MICU3: variants seen among roughly 807,000 people sequenced by gnomAD.
MICU3 encodes the protein mitochondrial calcium uptake 3, also known as calcium uptake protein 3, mitochondrial.
Under a neutral mutation model 66.5 loss-of-function variants are expected in MICU3, and 62 were observed. The observed-to-expected ratio is 0.93, with a 90% confidence interval of 0.76 to 1.15. The LOEUF is 1.15. Among genes scored for constraint, MICU3 ranks in the 50% most tolerant of loss-of-function variants. The pLI, the probability that MICU3 is intolerant of heterozygous loss-of-function variation, is 0.00. For missense variants in MICU3, 779 were observed against 664.4 expected, an observed-to-expected ratio of 1.17 and a Z score of -1.90; for synonymous variants, 308 against 240.7, an observed-to-expected ratio of 1.28 and a Z score of -2.59.
At chr8:17,109,962 G>A (rs765682285) in intron 11 of MICU3, among the ~76,000 whole-genome samples, 3 of 152,106 alleles carry the variant, frequency 2.0e-5, no homozygotes, top group South Asian at 4.1e-4. Context: ...AAATTTTGGA[G>A]TTTGGATTTA....
intron 1 of MICU3, among the ~76,000 whole-genome samples, chr8:17,038,812 G>C (rs1220614431): frequency 6.6e-6 from 1 of 152,064 alleles, no homozygotes; most frequent in Non-Finnish European, 1.5e-5. Flanking sequence ...AATTAGCCAG[G>C]CGTGGTGGCA....
intron 1 of MICU3, among the ~76,000 whole-genome samples, chr8:17,042,681 C>G (rs1814354699): frequency 6.6e-6 from 1 of 152,078 alleles, no homozygotes; most frequent in Non-Finnish European, 1.5e-5. Flanking sequence ...AAAGTAGAAT[C>G]TATGTTTTCT....
chr8:17,030,789 G>A (rs1021538174), intron 1 of MICU3, among the ~76,000 whole-genome samples: 4 of 152,252 alleles, frequency 2.6e-5, no homozygotes, highest in Non-Finnish European at 1.5e-5. Context: ...GGCCTTGTCC[G>A]TTTTGGGATT....
Position 17,056,322 on chromosome 8 carries a change from A to T in MICU3, c.382-7762A>T, listed in dbSNP as rs116734319. ...TCTCCTCTATTCCTGGCTGAGGTTC[A>T]TAGTCTGGGTCTTGAAGTTGGTTAA... On this transcript the variant is annotated intron_variant, in intron 1 of 14. Coordinates refer to ENST00000318063, the MANE Select transcript of MICU3 (RefSeq NM_181723.3). 8.9e-3 allele frequency among the ~76,000 whole-genome samples: 1,354 copies of T among 152,206 alleles called. 15 individuals carry two copies. Among genetic ancestry groups the T allele is most frequent in the African/African-American group, 0.03 (1,233 of 41,516 alleles).
intron 7 of MICU3, among the ~76,000 whole-genome samples, chr8:17,087,845 T>G (rs1159121538): frequency 6.6e-6 from 1 of 152,034 alleles, no homozygotes; most frequent in Non-Finnish European, 1.5e-5. Context: ...TGTGACATAT[T>G]TCTTTGTCTG....
chr8:17,076,448 T>A (rs1266184064), intron 3 of MICU3, among the ~76,000 whole-genome samples: 1 of 152,184 alleles, frequency 6.6e-6, no homozygotes, highest in African/African-American at 2.4e-5. Context: ...TTCTGTGCCA[T>A]TCCTATTCTA....
chr8:17,048,756 C>T (rs1815539437), intron 1 of MICU3, among the ~76,000 whole-genome samples: 1 of 152,062 alleles, frequency 6.6e-6, no homozygotes, highest in African/African-American at 2.4e-5. Flanking sequence ...GTTGGGACTA[C>T]CTCATACATC....
At chr8:17,042,335 G>A (rs1198617915) in intron 1 of MICU3, among the ~76,000 whole-genome samples, 4 of 152,148 alleles carry the variant, frequency 2.6e-5, no homozygotes, top group Non-Finnish European at 5.9e-5. Context: ...TGTGCCAAAC[G>A]CTGAGAATGT....
intron 12 of MICU3, among the ~76,000 whole-genome samples, chr8:17,114,822 C>G (rs140010413): frequency 3.4e-3 from 520 of 152,300 alleles, no homozygotes; most frequent in African/African-American, 0.012. Flanking sequence ...AATGCACAAG[C>G]TTAAACCCCA....
chr8:17,052,014 A>G (rs540710715), intron 1 of MICU3, among the ~76,000 whole-genome samples: 25 of 152,284 alleles, frequency 1.6e-4, no homozygotes, highest in South Asian at 6.2e-4. Flanking sequence ...TTGCTGAACC[A>G]AAGTCTGAAT....
Position 17,051,474 on chromosome 8 carries a change from A to G in MICU3, c.382-12610A>G, listed in dbSNP as rs544813278. Among the ~76,000 whole-genome samples, 56 of 152,340 alleles carry G rather than the reference A, an allele frequency of 3.7e-4. 1 individual carries two copies. Among genetic ancestry groups the G allele is most frequent in the South Asian group, 3.5e-3 (17 of 4,834 alleles). On this transcript the variant is annotated intron_variant, in intron 1 of 14. Transcript: ENST00000318063. The stretch of plus-strand genomic sequence containing the variant: ...CATATTTATAATATTTGAAGGCTAG[A>G]TGAGATCATCAAGTGGGTAATTGTA...
intron 11 of MICU3, 55 bp from the exon 12 acceptor site, chr8:17,114,038 G>GGTAGTCGT: frequency 6.0e-6 from 7 of 1,163,068 alleles, no homozygotes; most frequent in South Asian, 2.8e-5. Context: ...TGTAGATCCT[G>GGTAGTCGT]ATTTTAATAA....
At chr8:17,133,365 C>G in the MICU3 span, among the ~76,000 whole-genome samples, 3 of 152,088 alleles carry the variant, frequency 2.0e-5, no homozygotes, top group African/African-American at 7.2e-5. Flanking sequence ...TATGGGTTAT[C>G]TATTTCTGTC....
intron 1 of MICU3, among the ~76,000 whole-genome samples, chr8:17,031,627 C>A (rs187224770): frequency 6.6e-6 from 1 of 151,976 alleles, no homozygotes; most frequent in Non-Finnish European, 1.5e-5. Context: ...ATAAATGATT[C>A]ATTTTGATGT....
intron 8 of MICU3, among the ~76,000 whole-genome samples, chr8:17,092,367 T>A (rs539532058): frequency 6.6e-6 from 1 of 152,200 alleles, no homozygotes; most frequent in South Asian, 2.1e-4. Context: ...TAGTTTAAAC[T>A]ACATATGCAA....
intron 1 of MICU3, among the ~76,000 whole-genome samples, chr8:17,035,019 T>G (rs1563266778): frequency 6.6e-6 from 1 of 152,132 alleles, no homozygotes. Context: ...GGGGGCTGGT[T>G]TTTCCCACGC....
At chr8:17,134,538 A>G in the MICU3 span, among the ~76,000 whole-genome samples, 2 of 152,094 alleles carry the variant, frequency 1.3e-5, no homozygotes, top group African/African-American at 4.8e-5. Context: ...TCCACCTCCC[A>G]GGTTCATACC....
the MICU3 span, chr8:17,133,175 C>G: frequency 2.6e-5 from 4 of 152,174 alleles, no homozygotes; most frequent in Non-Finnish European, 5.9e-5. Flanking sequence ...ATTCTTTCAT[C>G]CTACTTTTGA....
chr8:17,085,172 T>C (rs898733950), intron 5 of MICU3, 64 bp from the exon 6 acceptor site: 3 of 1,083,032 alleles, frequency 2.8e-6, no homozygotes, highest in African/African-American at 1.6e-5. Flanking sequence ...ACAACTAATA[T>C]GGATTTTGTA....
Sources: gnomAD v4.1 joint callset for allele counts (sites outside exome capture counted in the v4.1 genomes callset) on GRCh38, gnomAD v4.1.1 for gene constraint, MANE v1.5 for transcripts, NCBI Gene and HGNC (gene_info 2026-07-23, HGNC 2026-07-21) for gene names.